NTRK1: variants seen among roughly 807,000 people sequenced by gnomAD.
The protein encoded by NTRK1 is high affinity nerve growth factor receptor.
In NTRK1, 62 loss-of-function variants were observed where a neutral mutation model predicts 86.8. The observed-to-expected ratio is 0.71, with a 90% CI of 0.58 to 0.88. The LOEUF is 0.88. Ranked by LOEUF, NTRK1 falls within the 40% of genes least tolerant of loss-of-function variation. The probability of loss-of-function intolerance (pLI) is 0.00; values close to 1 mark genes in which losing one functional copy is unlikely to be tolerated. For missense variants in NTRK1, 967 were observed against 1,078.4 expected, an observed-to-expected ratio of 0.90 and a Z score of 1.45; for synonymous variants, 469 against 456.6, an observed-to-expected ratio of 1.03 and a Z score of -0.35.
At chr1:156,822,349 G>A (rs1404900682) in intron 1 of NTRK1, among the ~76,000 whole-genome samples, 1 of 152,108 alleles carries the variant, frequency 6.6e-6, no homozygotes, top group Non-Finnish European at 1.5e-5. Context: ...ATTGAAGCCA[G>A]GAGTTGGAGA....
chr1:156,828,491 T>C lies in NTRK1; in HGVS notation c.-64+12653T>C, dbSNP rs546907682. 1.8e-4 allele frequency among the ~76,000 whole-genome samples: 27 copies of C among 152,378 alleles called. No individual in the cohort carries two copies. The East Asian group carries it at 4.6e-3, about 26-fold the overall frequency. ...GGGAGAGGCAGCTCGTGCTGACTCC[T>C]CTTCCACGCTCCCTGCTGGGCTGCC... On this transcript the variant is annotated intron_variant, in intron 1 of 16. Transcript: ENST00000392302.
rs771486457 is a variant in NTRK1 at position 156,873,924 on chromosome 1, A to G, written c.1142A>G (p.Asn381Ser). 1.3e-6 allele frequency: 2 copies of G among 1,560,320 alleles called. No homozygotes were observed. The highest frequency in any genetic ancestry group is 2.4e-5 in the East Asian group (1 of 41,608). ...SASIMAAFMD[N>S]PFEFNPEDPI... Reference sequence around the variant, plus strand: ...TCCATCATGGCTGCCTTCATGGACAACCCTTTCGAGTTCAACCCCGAGGAC... The same window carrying G: ...TCCATCATGGCTGCCTTCATGGACAGCCCTTTCGAGTTCAACCCCGAGGAC... The change falls in exon 8 of 17, where the codon AAC becomes AGC. Residue 381 changes from asparagine to serine, a missense_variant. Asn to Ser is a conservative substitution (Grantham distance 46). This residue lies in a region of NTRK1 where 637 missense variants were observed against 776.5 expected (regional missense o/e 0.82). Coordinates refer to ENST00000524377, the MANE Select transcript of NTRK1 (RefSeq NM_002529.4).
intron 2 of NTRK1, among the ~76,000 whole-genome samples, chr1:156,853,458 C>T (rs1655298322): frequency 6.6e-6 from 1 of 152,238 alleles, no homozygotes; most frequent in Non-Finnish European, 1.5e-5. Context: ...CCCCACACTG[C>T]TTCTTGCGCT....
upstream of NTRK1, chr1:156,859,040 G>T (rs962655475): frequency 6.6e-5 from 12 of 181,910 alleles, no homozygotes; most frequent in Non-Finnish European, 9.4e-5. The surrounding 1 kb of genome is among the most constrained non-coding windows in gnomAD (Gnocchi z 6.2). Context: ...GTGGGACTCC[G>T]CAGGGAGAGT....
chr1:156,850,443 C>A (rs892742872), intron 2 of NTRK1, among the ~76,000 whole-genome samples: 1 of 151,510 alleles, frequency 6.6e-6, no homozygotes, highest in East Asian at 1.9e-4. Flanking sequence ...AACTCCTGAC[C>A]GCATGGTGAT....
intron 8 of NTRK1, 47 bp downstream of exon 8, chr1:156,874,006 G>A (rs755138439): frequency 6.5e-7 from 1 of 1,533,130 alleles, no homozygotes; most frequent in South Asian, 1.2e-5. Flanking sequence ...GGCTCCTCCT[G>A]GGTTACAGCC....
intron 2 of NTRK1, chr1:156,849,345 A>G: frequency 6.2e-7 from 1 of 1,613,816 alleles, no homozygotes; most frequent in South Asian, 1.1e-5. Flanking sequence ...TGTTCCAAGC[A>G]GAGGCGCGGG....
chr1:156,857,163 ATGTGTGTG>A (rs57324546), upstream of NTRK1, among the ~76,000 whole-genome samples: 1,630 of 130,594 alleles, frequency 0.012, 17 homozygotes, highest in African/African-American at 0.037. Context: ...GCAGCTGTGT[ATGTGTGTG>A]TGTGTGTGTG....
intron 1 of NTRK1, among the ~76,000 whole-genome samples, chr1:156,835,434 G>A (rs967435191): frequency 4.0e-5 from 6 of 151,618 alleles, no homozygotes; most frequent in African/African-American, 4.9e-5. Context: ...AGGAAGCCTC[G>A]TTCTTTTAAA....
At chr1:156,823,725 G>T (rs925977853) in intron 1 of NTRK1, among the ~76,000 whole-genome samples, 2 of 152,196 alleles carry the variant, frequency 1.3e-5, no homozygotes, top group Admixed American at 1.3e-4. Context: ...CTTGGCTGTA[G>T]CTCTGCACCT....
chr1:156,860,362 C>T (rs1254851699), upstream of NTRK1, among the ~76,000 whole-genome samples: 1 of 152,262 alleles, frequency 6.6e-6, no homozygotes, highest in Non-Finnish European at 1.5e-5. Context: ...CTGTGTCTTC[C>T]TCCCCAGGTT....
At position 156,854,343 on chromosome 1, in the gene NTRK1, G is replaced by T. The variant is rs1655338633; in HGVS notation, c.51-10011G>T. 6.5e-7 allele frequency: 1 copy of T among 1,547,716 alleles called. No homozygotes were observed. Among genetic ancestry groups the T allele is most frequent in the Non-Finnish European group, 8.7e-7 (1 of 1,146,102 alleles). ...GGCACGCAGCATTGAGTACAGCCCAGGCCAAATTCCCCATCCAGCCCTGGC... is the reference window on the plus strand; with the variant it reads ...GGCACGCAGCATTGAGTACAGCCCATGCCAAATTCCCCATCCAGCCCTGGC... On this transcript the variant is annotated intron_variant, in intron 2 of 16. Coordinates refer to the NTRK1 transcript ENST00000392302. The surrounding 1 kb of genome is among the most constrained non-coding windows in gnomAD (Gnocchi z 4.2).
chr1:156,866,908 A>G lies in NTRK1; in HGVS notation c.360-2A>G. Reference sequence around the variant, plus strand: ...TGTCTTGCTGTGTCTCCACGCCCGCAGGAATCTCTCCTTCAACGCTCTGGA... The same window carrying G: ...TGTCTTGCTGTGTCTCCACGCCCGCGGGAATCTCTCCTTCAACGCTCTGGA... On this transcript the variant is annotated splice_acceptor_variant, in intron 3 of 16. Transcript: ENST00000524377. LOFTEE classifies it high-confidence loss of function. 6.2e-7 allele frequency: 1 copy of G among 1,614,164 alleles called. No individual in the cohort carries two copies. The highest frequency in any genetic ancestry group is 8.5e-7 in the Non-Finnish European group (1 of 1,179,998).
At chr1:156,816,061 G>T (rs986136491) in intron 1 of NTRK1, 1 of 1,614,104 alleles carries the variant, frequency 6.2e-7, no homozygotes, top group South Asian at 1.1e-5. Flanking sequence ...GATCTGGAAG[G>T]TGCTGAAGGT....
intron 1 of NTRK1, among the ~76,000 whole-genome samples, chr1:156,833,750 C>T (rs1334024237): frequency 2.0e-5 from 3 of 152,186 alleles, no homozygotes; most frequent in African/African-American, 7.2e-5. Flanking sequence ...TCCCAGACTC[C>T]TTTGCCCGTT....
In NTRK1 at chr1:156,880,167, G is replaced by A. The variant is rs368713268; in HGVS notation, c.2205+10G>A. ...GCTCTCCAACACGGAGGTCAGCCCC[G>A]GCCCATGGTCACCCCTTGCTGGCCT... On this transcript the variant is annotated intron_variant, in intron 16 of 16. Transcript: ENST00000524377. The A allele has an allele frequency of 9.9e-6, 16 of 1,610,422 alleles. No individual in the cohort carries two copies. In the East Asian group the frequency reaches 2.0e-4, roughly 20 times the overall value.
intron 1 of NTRK1, among the ~76,000 whole-genome samples, chr1:156,830,837 G>A (rs566169880): frequency 6.6e-6 from 1 of 152,308 alleles, no homozygotes; most frequent in South Asian, 2.1e-4. Flanking sequence ...TTATAGACGT[G>A]GGCCACCACG....
chr1:156,844,494 G>T lies in NTRK1; in HGVS notation c.50+2301G>T, dbSNP rs374549328. On this transcript the variant is annotated intron_variant, in intron 2 of 16. Transcript: ENST00000392302. ...AAGGATGTAGAAGGCAACACTGTCTGTCCAAGAGCCATTGCCAGCCAGTGA... is the reference window on the plus strand; with the variant it reads ...AAGGATGTAGAAGGCAACACTGTCTTTCCAAGAGCCATTGCCAGCCAGTGA... 8.7e-5 allele frequency: 141 copies of T among 1,614,134 alleles called. 1 individual carries two copies. In the South Asian group the frequency reaches 9.4e-4, roughly 11 times the overall value.
chr1:156,874,252 C>T (rs1647755077), intron 8 of NTRK1, 131 bp from the exon 9 acceptor site: 2 of 1,396,296 alleles, frequency 1.4e-6, no homozygotes, highest in Non-Finnish European at 1.0e-6. Flanking sequence ...GGCCCAGCAG[C>T]CCACCTCCAT....
Sources: allele counts gnomAD v4.1 joint callset (sites outside exome capture counted in the v4.1 genomes callset), GRCh38; gene constraint gnomAD v4.1.1; regional missense constraint gnomAD v4.1.1; non-coding constraint Gnocchi (gnomAD v3.1); transcripts MANE v1.5; gene names NCBI Gene and HGNC (gene_info 2026-07-23, HGNC 2026-07-21).